Variants in DPP10 observed in about 807,000 individuals in gnomAD.
DPP10 encodes the protein dipeptidyl peptidase like 10, also known as inactive dipeptidyl peptidase 10.
DPP10 carries 33 observed loss-of-function variants against 120.9 expected under a neutral mutation model. The observed-to-expected ratio is 0.27, with a 90% CI of 0.21 to 0.37. DPP10 has a LOEUF of 0.37. DPP10 is among the 10% of genes least tolerant of loss of function. DPP10 has a pLI of 1.00. For missense variants in DPP10, 816 were observed against 942.8 expected (o/e 0.87, Z 1.76); for synonymous variants, 337 against 326.1 (o/e 1.03, Z -0.36).
At chr2:114,535,301 A>G (rs755516540) in intron 1 of DPP10, among the ~76,000 whole-genome samples, 16 of 152,226 alleles carry the variant, frequency 1.1e-4, no homozygotes, top group Admixed American at 6.5e-4. Context: ...TACTTTTGGC[A>G]TCATTTAGAT....
chr2:114,737,722 A>T (rs1294958742), intron 1 of DPP10, among the ~76,000 whole-genome samples: 4 of 152,338 alleles, frequency 2.6e-5, no homozygotes, highest in South Asian at 4.1e-4. Context: ...GAGTCAAGTG[A>T]CATGGGTTCT....
At chr2:115,270,015 TATCCTAG>T (rs2059621168) in intron 1 of DPP10, among the ~76,000 whole-genome samples, 1 of 151,870 alleles carries the variant, frequency 6.6e-6, no homozygotes, top group Non-Finnish European at 1.5e-5. Context: ...GATACTTCTT[TATCCTAG>T]TGGATAACCT....
chr2:115,290,006 T>C (rs2060588106), intron 1 of DPP10, among the ~76,000 whole-genome samples: 2 of 152,020 alleles, frequency 1.3e-5, no homozygotes, highest in South Asian at 4.1e-4. Context: ...TGGGACCTAA[T>C]TAACTAAAAA....
chr2:115,551,040 A>T (rs1193823171), intron 5 of DPP10, among the ~76,000 whole-genome samples: 6 of 152,200 alleles, frequency 3.9e-5, no homozygotes, highest in South Asian at 4.1e-4. Context: ...AAATTGGAAG[A>T]TCTGGCAATA....
intron 1 of DPP10, among the ~76,000 whole-genome samples, chr2:115,283,174 T>G (rs1468765805): frequency 6.6e-6 from 1 of 152,050 alleles, no homozygotes; most frequent in African/African-American, 2.4e-5. Flanking sequence ...GGGCTTCCTG[T>G]GTCTTAGGGC....
At chr2:114,491,471 T>C (rs1681994557) in intron 1 of DPP10, among the ~76,000 whole-genome samples, 1 of 152,198 alleles carries the variant, frequency 6.6e-6, no homozygotes, top group Non-Finnish European at 1.5e-5. Flanking sequence ...TGCATCTCCA[T>C]GAAGGGAGGA....
intron 3 of DPP10, among the ~76,000 whole-genome samples, chr2:115,442,566 T>C (rs1261237724): frequency 6.6e-6 from 1 of 152,110 alleles, no homozygotes; most frequent in Admixed American, 6.5e-5. Context: ...AAGATTTTTC[T>C]GGTTGTTTGC....
intron 1 of DPP10, among the ~76,000 whole-genome samples, chr2:115,019,896 T>G (rs1478864733): frequency 6.6e-6 from 1 of 152,212 alleles, no homozygotes; most frequent in African/African-American, 2.4e-5. Flanking sequence ...TAGCCAAAAA[T>G]TTTGTATCCA....
chr2:114,818,573 T>C (rs1251546471), intron 1 of DPP10, among the ~76,000 whole-genome samples: 1 of 152,142 alleles, frequency 6.6e-6, no homozygotes, highest in Non-Finnish European at 1.5e-5. Context: ...ATTTTCCTAG[T>C]TGTCTTGCAG....
intron 1 of DPP10, among the ~76,000 whole-genome samples, chr2:114,739,574 G>T (rs150244608): frequency 0.02 from 3,106 of 152,086 alleles, 55 homozygotes; most frequent in Middle Eastern, 0.048. Context: ...CAGGAGAATC[G>T]CTTGAACCTG....
At chr2:114,475,491 C>G (rs913037926) in intron 1 of DPP10, among the ~76,000 whole-genome samples, 1 of 152,138 alleles carries the variant, frequency 6.6e-6, no homozygotes, top group Non-Finnish European at 1.5e-5. Context: ...CTGCCCCTCT[C>G]TCTCTGTCTC....
At chr2:115,601,188 C>T (rs1409812852) in intron 5 of DPP10, among the ~76,000 whole-genome samples, 7 of 152,106 alleles carry the variant, frequency 4.6e-5, no homozygotes, top group South Asian at 4.1e-4. Context: ...TCAAAGACCA[C>T]CTTAAAGTGG....
intron 1 of DPP10, among the ~76,000 whole-genome samples, chr2:114,796,652 T>A (rs936928223): frequency 3.3e-5 from 5 of 152,210 alleles, no homozygotes; most frequent in Admixed American, 3.3e-4. Context: ...CTGTATAGCA[T>A]TATATGCTTA....
rs190911243 is a variant in DPP10, at chr2:115,058,623, C to A, written c.61-250616C>A. Among the ~76,000 whole-genome samples, 5 of 152,306 alleles carry A rather than the reference C, an allele frequency of 3.3e-5. No homozygotes were observed. In the East Asian group the frequency reaches 9.7e-4, roughly 29 times the overall value. On this transcript the variant is annotated intron_variant, in intron 1 of 25. Transcript: ENST00000410059. The stretch of plus-strand genomic sequence containing the variant: ...CCATGTTGGCAAGGCTGGTCTTGAA[C>A]TCCTGACCTCAAAGTGATCCTCCCA...
At chr2:115,439,573 TA>T (rs1208981846) in intron 3 of DPP10, among the ~76,000 whole-genome samples, 1 of 152,208 alleles carries the variant, frequency 6.6e-6, no homozygotes, top group Non-Finnish European at 1.5e-5. Context: ...AAATTTTTGC[TA>T]AATTGGAATA....
intron 1 of DPP10, among the ~76,000 whole-genome samples, chr2:115,010,128 A>G (rs1396921): frequency 0.24 from 35,990 of 152,198 alleles, 4,800 homozygotes; most frequent in East Asian, 0.34. Context: ...CCAATTAAGT[A>G]AAGCTAATCC....
At chr2:115,224,369 G>A (rs1022991854) in intron 1 of DPP10, among the ~76,000 whole-genome samples, 1 of 152,134 alleles carries the variant, frequency 6.6e-6, no homozygotes, top group Non-Finnish European at 1.5e-5. Flanking sequence ...TCTGTGGCTG[G>A]AGGTTAGAAA....
At chr2:115,274,884 A>G (rs1393302066) in intron 1 of DPP10, among the ~76,000 whole-genome samples, 5 of 151,934 alleles carry the variant, frequency 3.3e-5, no homozygotes, top group African/African-American at 1.2e-4. Flanking sequence ...TAGAACTAGC[A>G]TAGTGTGGTT....
At chr2:115,347,171 G>T (rs2063751173) in intron 3 of DPP10, among the ~76,000 whole-genome samples, 1 of 152,124 alleles carries the variant, frequency 6.6e-6, no homozygotes, top group African/African-American at 2.4e-5. Flanking sequence ...CTGTCCATTT[G>T]TATGCTTAGG....
Sources: gnomAD v4.1 joint callset for allele counts (sites outside exome capture counted in the v4.1 genomes callset) on GRCh38, gnomAD v4.1.1 for gene constraint, MANE v1.5 for transcripts, NCBI Gene and HGNC (gene_info 2026-07-23, HGNC 2026-07-21) for gene names.